KIF26B: variants seen among roughly 807,000 people sequenced by gnomAD.
KIF26B encodes kinesin-like protein KIF26B.
KIF26B carries 63 observed loss-of-function variants against 151.2 expected under a neutral mutation model. The ratio of observed to expected loss-of-function variants is 0.42; its 90% CI spans 0.34 to 0.51. The LOEUF (loss-of-function observed/expected upper bound fraction) is 0.51, where lower values mean the gene tolerates loss of function less well. KIF26B is among the 20% of genes least tolerant of loss of function. KIF26B has a pLI of 0.07. For synonymous variants in KIF26B, 1,357 were observed against 1,262.1 expected (o/e 1.08, Z -1.59); for missense variants, 2,813 against 2,913.6 (o/e 0.97, Z 0.79).
intron 2 of KIF26B, among the ~76,000 whole-genome samples, chr1:245,231,720 C>A (rs747253212): frequency 6.6e-6 from 1 of 152,024 alleles, no homozygotes; most frequent in East Asian, 1.9e-4. Context: ...AGAAAACAAA[C>A]CTCTGGGCCT....
intron 4 of KIF26B, among the ~76,000 whole-genome samples, chr1:245,425,179 G>A (rs1658594748): frequency 6.6e-6 from 1 of 151,616 alleles, no homozygotes; most frequent in African/African-American, 2.4e-5. Context: ...ACTTAATGAT[G>A]TACTTTACCT....
chr1:245,225,724 A>G (rs1669860959), intron 2 of KIF26B, among the ~76,000 whole-genome samples: 1 of 152,192 alleles, frequency 6.6e-6, no homozygotes, highest in Non-Finnish European at 1.5e-5. Context: ...TAGGGATGGA[A>G]GGGTTTGAGC....
At chr1:245,472,891 C>T (rs1324565924) in intron 4 of KIF26B, among the ~76,000 whole-genome samples, 1 of 152,206 alleles carries the variant, frequency 6.6e-6, no homozygotes, top group African/African-American at 2.4e-5. Context: ...TGGGCTCCCC[C>T]AGACTGGGCA....
Position 245,407,085 on chromosome 1 carries a change from G to A in KIF26B, c.1000-12494G>A, listed in dbSNP as rs537726633. On this transcript the variant is annotated intron_variant, in intron 3 of 14. Transcript: ENST00000407071. ...TGACAGGTGTAAGCCACTGTGCCCG[G>A]CCCAGGTCTATTTTTTAAATGGATA... Among the ~76,000 whole-genome samples, 9 of 152,288 alleles carry A rather than the reference G, an allele frequency of 5.9e-5. 1 individual carries two copies. The South Asian group carries it at 1.9e-3, about 32-fold the overall frequency.
chr1:245,496,027 G>A (rs1416690433), intron 4 of KIF26B, among the ~76,000 whole-genome samples: 1 of 152,110 alleles, frequency 6.6e-6, no homozygotes, highest in South Asian at 2.1e-4. Context: ...AAAATTGAAA[G>A]AATCCATCAT....
intron 2 of KIF26B, among the ~76,000 whole-genome samples, chr1:245,187,653 T>C (rs1280609822): frequency 6.6e-6 from 1 of 152,214 alleles, no homozygotes; most frequent in Non-Finnish European, 1.5e-5. Context: ...ACCTGTACTT[T>C]AGGAGAATGT....
chr1:245,229,999 G>A (rs555910976), intron 2 of KIF26B, among the ~76,000 whole-genome samples: 8 of 152,198 alleles, frequency 5.3e-5, no homozygotes, highest in East Asian at 1.9e-4. Context: ...TGGGCGTGGC[G>A]GCACATGCCT....
At chr1:245,684,532 T>C (rs1272541833) in intron 11 of KIF26B, 137 bp downstream of exon 11, 2 of 921,762 alleles carry the variant, frequency 2.2e-6, no homozygotes, top group Non-Finnish European at 3.2e-6. Context: ...TGACAACACG[T>C]GGCTCAGGGT....
At chr1:245,528,625 A>C (rs1661294664) in intron 4 of KIF26B, among the ~76,000 whole-genome samples, 1 of 152,178 alleles carries the variant, frequency 6.6e-6, no homozygotes. Flanking sequence ...GTCAACCCAT[A>C]TGTCACGTGG....
intron 4 of KIF26B, among the ~76,000 whole-genome samples, chr1:245,442,337 G>C (rs1308273308): frequency 6.6e-6 from 1 of 152,156 alleles, no homozygotes; most frequent in African/African-American, 2.4e-5. Context: ...AGGCACATGT[G>C]TGTTGAGAAG....
chr1:245,468,676 A>C (rs1255110584), intron 4 of KIF26B, among the ~76,000 whole-genome samples: 1 of 99,322 alleles, frequency 1.0e-5, no homozygotes, highest in African/African-American at 3.4e-5. Context: ...CTTACATCTT[A>C]GAGAGAGAGA....
At position 245,702,762 on chromosome 1, in the gene KIF26B, C is replaced by CTTTTG. The variant is rs1553308099; in HGVS notation, c.*161_*165dup. On this transcript the variant is annotated 3_prime_UTR_variant, in exon 15 of 15. Transcript: ENST00000407071. The surrounding 1 kb of genome is among the most constrained non-coding windows in gnomAD (Gnocchi z 4.1). ...GGGCGTTGAGCGGAAGGCGAGTTTT[C>CTTTTG]TTTTGTTTTCTGTAGGAAAGGTGCA... 2.5e-6 allele frequency: 2 copies of CTTTTG among 788,136 alleles called. No homozygotes were observed. Among genetic ancestry groups the CTTTTG allele is most frequent in the Admixed American group, 2.9e-5 (1 of 33,904 alleles). 48.8% of individuals were successfully genotyped at this position (788,136 alleles called of 1,614,324 possible). A position where few individuals can be genotyped will look rare whatever the true frequency, so the allele number is the denominator to read the frequency against.
At position 245,540,937 on chromosome 1, in the gene KIF26B, C is replaced by T. The variant is rs772241455; in HGVS notation, c.1337C>T (p.Pro446Leu). The change falls in exon 5 of 15, where the codon CCG becomes CTG. Residue 446 changes from proline to leucine, a missense_variant. Transcript: ENST00000407071. The surrounding 1 kb of genome is among the most constrained non-coding windows in gnomAD (Gnocchi z 4.6). ...GCTGTCAACAAGGTGAAGGACACCC[C>T]GGGGCTGGGCAAGGTAGGACCATCC... ...LRAVNKVKDT[P>L]GLGKVKVMLR... 1.8e-5 allele frequency: 29 copies of T among 1,612,928 alleles called. No individual in the cohort carries two copies. The highest frequency in any genetic ancestry group is 1.7e-4 in the Middle Eastern group (1 of 6,018).
At chr1:245,172,601 G>C (rs1478090781) in intron 2 of KIF26B, among the ~76,000 whole-genome samples, 1 of 152,158 alleles carries the variant, frequency 6.6e-6, no homozygotes, top group Admixed American at 6.5e-5. Flanking sequence ...CCTGAGGTCA[G>C]GAGTTCAAGA....
intron 4 of KIF26B, among the ~76,000 whole-genome samples, chr1:245,498,932 GT>G (rs762096457): frequency 1.3e-5 from 2 of 152,162 alleles, no homozygotes; most frequent in African/African-American, 2.4e-5. Flanking sequence ...AAAATGGGAA[GT>G]TTTTTTGTGC....
At chr1:245,159,287 T>C (rs1372488808) in intron 2 of KIF26B, among the ~76,000 whole-genome samples, 1 of 152,226 alleles carries the variant, frequency 6.6e-6, no homozygotes, top group Non-Finnish European at 1.5e-5. Flanking sequence ...ATTAAATGTC[T>C]CCTAGGTAGA....
rs147179903 is a variant in KIF26B at position 245,590,855 on chromosome 1, C to CAG, written c.1351-11719_1351-11718dup. On this transcript the variant is annotated intron_variant, in intron 5 of 14. Coordinates refer to ENST00000407071, the MANE Select transcript of KIF26B (RefSeq NM_018012.4). ...CCTGGGAGGCAGCGGTTGCAGTGAG[C>CAG]AGAGCTCACACCAGTGCACTCCAGC... 6.2e-3 allele frequency among the ~76,000 whole-genome samples: 913 copies of CAG among 147,270 alleles called. 14 individuals are homozygous for CAG. Among genetic ancestry groups the CAG allele is most frequent in the African/African-American group, 0.022 (850 of 39,070 alleles).
intron 2 of KIF26B, among the ~76,000 whole-genome samples, chr1:245,175,645 T>G (rs1309476720): frequency 1.3e-5 from 2 of 152,266 alleles, no homozygotes; most frequent in African/African-American, 4.8e-5. Flanking sequence ...TGCAGTTTTG[T>G]GGCAAAGCGT....
chr1:245,607,837 G>C (rs1572154867), intron 7 of KIF26B, 93 bp downstream of exon 7: 1 of 964,990 alleles, frequency 1.0e-6, no homozygotes, highest in East Asian at 2.7e-5. Context: ...TCTGATGACA[G>C]GAAGGGCTGC....
Sources: gnomAD v4.1 joint callset for allele counts (sites outside exome capture counted in the v4.1 genomes callset) on GRCh38, gnomAD v4.1.1 for gene constraint, Gnocchi (gnomAD v3.1) non-coding constraint, MANE v1.5 for transcripts, NCBI Gene and HGNC (gene_info 2026-07-23, HGNC 2026-07-21) for gene names.